Variants in ZPLD1 observed in about 807,000 individuals in gnomAD.
The protein encoded by ZPLD1 is zona pellucida like domain containing 1, also known as zona pellucida-like domain-containing protein 1.
A neutral mutation model predicts 47.2 loss-of-function variants in ZPLD1; 34 were observed. That is an observed-to-expected ratio of 0.72 (90% confidence interval 0.55 to 0.96). The LOEUF is 0.96. Ranked by LOEUF, ZPLD1 falls within the 40% of genes least tolerant of loss-of-function variation. The pLI, the probability that ZPLD1 is intolerant of heterozygous loss-of-function variation, is 0.00. For missense variants in ZPLD1, 512 were observed against 505.8 expected (o/e 1.01, Z -0.12); for synonymous variants, 176 against 186.2 (o/e 0.95, Z 0.45).
intron 7 of ZPLD1, 109 bp downstream of exon 7, chr3:102,462,487 C>T: frequency 1.5e-6 from 1 of 647,322 alleles, no homozygotes; most frequent in Non-Finnish European, 2.6e-6. Context: ...AAAATATTAT[C>T]ATTGCCACAC....
chr3:102,468,761 G>T (rs1304235762), intron 8 of ZPLD1, among the ~76,000 whole-genome samples: 1 of 152,186 alleles, frequency 6.6e-6, no homozygotes, highest in Non-Finnish European at 1.5e-5. Context: ...ATCAGAAACT[G>T]ATCTGTTTAA....
At chr3:102,423,349 C>T (rs1008807528) in intron 8 of ZPLD1, among the ~76,000 whole-genome samples, 1 of 151,900 alleles carries the variant, frequency 6.6e-6, no homozygotes, top group African/African-American at 2.4e-5. Context: ...AAACCTTATT[C>T]CTCTATCTCA....
intron 7 of ZPLD1, among the ~76,000 whole-genome samples, chr3:102,397,681 A>G (rs9811444): frequency 0.21 from 32,264 of 152,080 alleles, 3,701 homozygotes; most frequent in African/African-American, 0.3. Flanking sequence ...CTACTCCTGC[A>G]CGAATTTAGA....
At chr3:102,424,452 T>C (rs1011081492) in intron 8 of ZPLD1, among the ~76,000 whole-genome samples, 1 of 152,186 alleles carries the variant, frequency 6.6e-6, no homozygotes, top group Non-Finnish European at 1.5e-5. Flanking sequence ...TTAATCAAAC[T>C]CTATAATCTA....
intron 8 of ZPLD1, among the ~76,000 whole-genome samples, chr3:102,421,840 C>G (rs559073522): frequency 6.8e-4 from 104 of 151,924 alleles, no homozygotes; most frequent in African/African-American, 2.4e-3. Flanking sequence ...TCACTAAATT[C>G]AAGCAATTTT....
chr3:102,456,428 T>G (rs1318764299), intron 5 of ZPLD1, 54 bp downstream of exon 5: 39 of 1,501,574 alleles, frequency 2.6e-5, no homozygotes, highest in Non-Finnish European at 3.4e-5. Context: ...CTTCAGGCAT[T>G]TCGTATCTTT....
At position 102,470,429 on chromosome 3, in the gene ZPLD1, G is replaced by T; in HGVS notation, c.969G>T (p.Arg323Ser). The part of the protein sequence containing the change: ...CSHRERRDAG[R>S]RTTWSPQSSS... ...ACAGAGAAAGGAGAGATGCTGGGAG[G>T]AGGACGACTTGGAGCCCCCAGAGCT... The change falls in exon 10 of 12, where the codon AGG becomes AGT. Residue 323 changes from arginine to serine, a missense_variant. Arg to Ser is a moderately radical substitution (Grantham distance 110). Transcript: ENST00000466937. The T allele has an allele frequency of 1.9e-6, 3 of 1,614,064 alleles. No homozygotes were observed. Among genetic ancestry groups the T allele is most frequent in the Middle Eastern group, 3.3e-4 (2 of 6,062 alleles).
At chr3:102,390,370 A>G (rs1022463976) in intron 6 of ZPLD1, among the ~76,000 whole-genome samples, 3 of 152,220 alleles carry the variant, frequency 2.0e-5, no homozygotes, top group African/African-American at 7.2e-5. Flanking sequence ...GAAATATGAA[A>G]ACAGCATGTA....
At position 102,459,089 on chromosome 3, in the gene ZPLD1, CAAAAAAAAAAAAAAAA is replaced by C. The variant is rs767071660; in HGVS notation, c.582+1251_582+1266del. Among the ~76,000 whole-genome samples, 157 of 25,858 alleles carry C rather than the reference CAAAAAAAAAAAAAAAA, an allele frequency of 6.1e-3. 3 individuals carry two copies. In the East Asian group the frequency reaches 0.14, roughly 24 times the overall value. The allele number at this position is 25,858 out of a possible 152,430, so 17.0% of individuals were successfully genotyped here. On this transcript the variant is annotated intron_variant, in intron 6 of 11. Coordinates refer to ENST00000466937, the MANE Select transcript of ZPLD1 (RefSeq NM_001329788.2). ...TGGGAGACAGAGCGAGACTCCGTCTCAAAAAAAAAAAAAAAAAAAAAAAAAAAAAAGGAAGCTGCCA... is the reference window on the plus strand; with the variant it reads ...TGGGAGACAGAGCGAGACTCCGTCTCAAAAAAAAAAAAAAGGAAGCTGCCA...
At chr3:102,439,187 G>T (rs1240965829) in intron 3 of ZPLD1, among the ~76,000 whole-genome samples, 1 of 152,170 alleles carries the variant, frequency 6.6e-6, no homozygotes, top group Non-Finnish European at 1.5e-5. Flanking sequence ...TTTTATATTA[G>T]CTAAAGTAAT....
intron 11 of ZPLD1, among the ~76,000 whole-genome samples, 197 bp from the exon 12 acceptor site, chr3:102,477,246 T>A (rs1486296666): frequency 6.6e-6 from 1 of 152,148 alleles, no homozygotes; most frequent in Non-Finnish European, 1.5e-5. Context: ...TGATTTTGGC[T>A]GCCCATGGGC....
At chr3:102,414,089 C>T (rs1706777306) in intron 7 of ZPLD1, among the ~76,000 whole-genome samples, 2 of 151,718 alleles carry the variant, frequency 1.3e-5, no homozygotes, top group Admixed American at 1.3e-4. Flanking sequence ...GCCCATTCAC[C>T]AGGTGGCTCT....
At chr3:102,419,877 T>G (rs1412099006) in intron 8 of ZPLD1, among the ~76,000 whole-genome samples, 2 of 151,956 alleles carry the variant, frequency 1.3e-5, no homozygotes, top group African/African-American at 4.8e-5. Flanking sequence ...TCATTTTTTT[T>G]TTTTTGGTTA....
chr3:102,387,497 C>A (rs1444822016), intron 6 of ZPLD1, among the ~76,000 whole-genome samples: 1 of 151,944 alleles, frequency 6.6e-6, no homozygotes, highest in Non-Finnish European at 1.5e-5. Context: ...TGTCAGAGAC[C>A]ACTACACTCA....
intron 10 of ZPLD1, among the ~76,000 whole-genome samples, chr3:102,476,070 G>A (rs1228130721): frequency 1.3e-5 from 2 of 151,974 alleles, no homozygotes; most frequent in African/African-American, 2.4e-5. Context: ...GTAAAATGGG[G>A]GTAGCAATAA....
rs532390353 is a variant in ZPLD1, at chr3:102,404,866, A to G, written c.-157+12641A>G. 2.6e-5 allele frequency among the ~76,000 whole-genome samples: 4 copies of G among 152,122 alleles called. No individual in the cohort carries two copies. The East Asian group carries it at 7.8e-4, about 30-fold the overall frequency. ...AATAACTCCATCAGCCAAGTGGTTT[A>G]CTGGGACACAAGGTTACGTATTATA... On this transcript the variant is annotated intron_variant, in intron 7 of 17. Transcript: ENST00000491959.
chr3:102,391,865 T>G (rs1706499096), intron 6 of ZPLD1, among the ~76,000 whole-genome samples: 1 of 152,190 alleles, frequency 6.6e-6, no homozygotes, highest in African/African-American at 2.4e-5. Flanking sequence ...GGTAGTGTTT[T>G]CCATTCCTCT....
intron 6 of ZPLD1, chr3:102,385,349 C>G (rs1337890248): frequency 6.6e-6 from 1 of 152,170 alleles, no homozygotes; most frequent in Non-Finnish European, 1.5e-5. Context: ...TTTGACAGCA[C>G]TCACCCACAA....
chr3:102,452,663 C>A, intron 3 of ZPLD1, among the ~76,000 whole-genome samples: 1 of 152,118 alleles, frequency 6.6e-6, no homozygotes, highest in East Asian at 1.9e-4. Flanking sequence ...AATGTACATC[C>A]ACTGGACATC....
Sources: allele counts gnomAD v4.1 joint callset (sites outside exome capture counted in the v4.1 genomes callset), GRCh38; gene constraint gnomAD v4.1.1; transcripts MANE v1.5; gene names NCBI Gene and HGNC (gene_info 2026-07-23, HGNC 2026-07-21).